The following WDPCP variants were observed in gnomAD, a reference collection of about 807,000 sequenced individuals.
The protein encoded by WDPCP is WD repeat containing planar cell polarity effector, also known as WD repeat-containing and planar cell polarity effector protein fritz homolog.
In WDPCP, 71 loss-of-function variants were observed where a neutral mutation model predicts 93.1. The ratio of observed to expected loss-of-function variants is 0.76; its 90% CI spans 0.63 to 0.93. The LOEUF (loss-of-function observed/expected upper bound fraction) is 0.93, where lower values mean the gene tolerates loss of function less well. Among genes scored for constraint, WDPCP ranks in the 40% least tolerant of loss-of-function variants. WDPCP has a pLI of 0.00. For missense variants in WDPCP, 844 were observed against 887.4 expected (o/e 0.95, Z 0.62); for synonymous variants, 315 against 315.0 (o/e 1.00, Z 0.00).
intron 1 of WDPCP, among the ~76,000 whole-genome samples, chr2:63,498,259 A>G (rs1701344860): frequency 6.6e-6 from 1 of 152,192 alleles, no homozygotes; most frequent in African/African-American, 2.4e-5. Context: ...CAGTCTCAGA[A>G]GGCCATTTTG....
At chr2:63,307,279 G>A (rs1318668236) in intron 13 of WDPCP, among the ~76,000 whole-genome samples, 1 of 152,122 alleles carries the variant, frequency 6.6e-6, no homozygotes, top group Non-Finnish European at 1.5e-5. Flanking sequence ...TCATGGATAG[G>A]AAGAATCAAT....
chr2:63,334,058 T>C (rs1243692371), intron 12 of WDPCP, among the ~76,000 whole-genome samples: 2 of 152,178 alleles, frequency 1.3e-5, no homozygotes, highest in Non-Finnish European at 2.9e-5. Flanking sequence ...AAAAAACACA[T>C]CCATTGGAAT....
At chr2:63,657,470 T>A (rs1388577020) in intron 2 of WDPCP, among the ~76,000 whole-genome samples, 1 of 152,156 alleles carries the variant, frequency 6.6e-6, no homozygotes, top group African/African-American at 2.4e-5. Context: ...CCTCCCAAAG[T>A]GCTGAGATTA....
rs186120490 is a variant in WDPCP at position 63,333,614 on chromosome 2, T to C, written c.1749-20303A>G. Among the ~76,000 whole-genome samples, 895 of 152,358 alleles carry C rather than the reference T, an allele frequency of 5.9e-3. 1 individual carries two copies. Among genetic ancestry groups the C allele is most frequent in the Admixed American group, 0.01 (155 of 15,294 alleles). On this transcript the variant is annotated intron_variant, in intron 12 of 17. Coordinates refer to ENST00000272321, the MANE Select transcript of WDPCP (RefSeq NM_015910.7). ...CATGTCTTCAGATACACTCAACCAA[T>C]TGTCAACTAGAAAATGTTTAAATTT... is the stretch of plus-strand genomic sequence containing the variant.
intron 17 of WDPCP, among the ~76,000 whole-genome samples, chr2:63,124,569 C>T (rs1451257779): frequency 6.6e-6 from 1 of 152,122 alleles, no homozygotes; most frequent in Non-Finnish European, 1.5e-5. Context: ...GGATTTTGAC[C>T]TGTGGCTCAC....
chr2:63,786,655 G>A (rs1269220839), intron 2 of WDPCP, among the ~76,000 whole-genome samples: 3 of 152,062 alleles, frequency 2.0e-5, no homozygotes, highest in Non-Finnish European at 4.4e-5. Flanking sequence ...CCACTTACAC[G>A]GCCACATCTG....
chr2:63,481,006 C>T (rs1404058899), intron 6 of WDPCP, among the ~76,000 whole-genome samples: 1 of 151,956 alleles, frequency 6.6e-6, no homozygotes, highest in Non-Finnish European at 1.5e-5. Context: ...GGACTAATAT[C>T]CAGAATCTAC....
chr2:63,226,492 C>T (rs560524733), intron 14 of WDPCP, among the ~76,000 whole-genome samples: 139 of 151,950 alleles, frequency 9.1e-4, no homozygotes, highest in Non-Finnish European at 1.7e-3. Flanking sequence ...GTGTCACACC[C>T]TGTCACATTA....
At chr2:63,321,120 G>A (rs1009678891) in intron 12 of WDPCP, among the ~76,000 whole-genome samples, 4 of 151,940 alleles carry the variant, frequency 2.6e-5, no homozygotes, top group Non-Finnish European at 5.9e-5. Flanking sequence ...ATGACTGTGA[G>A]TGTCTTAAAT....
chr2:63,203,492 C>G (rs917148335), intron 14 of WDPCP, among the ~76,000 whole-genome samples: 1 of 152,134 alleles, frequency 6.6e-6, no homozygotes, highest in Non-Finnish European at 1.5e-5. Context: ...AACCATCCTT[C>G]TACTCTCTAT....
At chr2:63,412,228 C>T (rs761487270) in intron 9 of WDPCP, among the ~76,000 whole-genome samples, 1 of 152,072 alleles carries the variant, frequency 6.6e-6, no homozygotes, top group Non-Finnish European at 1.5e-5. Flanking sequence ...GTTTAACATA[C>T]GCAAGTCAAT....
At chr2:63,622,260 G>C (rs61742563) in intron 3 of WDPCP, 327 of 1,610,410 alleles carry the variant, frequency 2.0e-4, no homozygotes, top group Non-Finnish European at 2.7e-4. Context: ...TGCCAGTGCC[G>C]TCTCCTCTGC....
intron 2 of WDPCP, among the ~76,000 whole-genome samples, chr2:63,785,803 A>G (rs1467848608): frequency 6.6e-6 from 1 of 152,156 alleles, no homozygotes; most frequent in Non-Finnish European, 1.5e-5. Context: ...TCTAGTTTTT[A>G]TATGATTGTG....
chr2:63,790,144 C>T (rs1670525642), intron 2 of WDPCP, among the ~76,000 whole-genome samples: 1 of 152,112 alleles, frequency 6.6e-6, no homozygotes, highest in South Asian at 2.1e-4. Context: ...TCTGAAGCAC[C>T]AGCACCTAGA....
At position 63,605,537 on chromosome 2, in the gene WDPCP, T is replaced by C. The variant is rs142245488; in HGVS notation, n.488+45122A>G. 120 of 649,226 alleles carry C rather than the reference T, an allele frequency of 1.8e-4. 1 individual carries two copies. The highest frequency in any genetic ancestry group is 3.1e-4 in the Non-Finnish European group (114 of 369,144). 40.2% of individuals were successfully genotyped at this position (649,226 alleles called of 1,614,324 possible). A position where few individuals can be genotyped will look rare whatever the true frequency, so the allele number is the denominator to read the frequency against. Reference sequence around the variant, plus strand: ...GCCTATTAACAAGTAAACTTCGGGGTTTGTTAGCCTTGACCTTTCTGAGCT... The same window carrying C: ...GCCTATTAACAAGTAAACTTCGGGGCTTGTTAGCCTTGACCTTTCTGAGCT... On this transcript the variant is annotated intron_variant and non_coding_transcript_variant, in intron 3 of 4. Transcript: ENST00000467687.
At chr2:63,695,223 T>C (rs1668947944) in intron 2 of WDPCP, among the ~76,000 whole-genome samples, 1 of 152,230 alleles carries the variant, frequency 6.6e-6, no homozygotes, top group South Asian at 2.1e-4. Context: ...ACATTTATTT[T>C]CTCATTTCTT....
At chr2:63,331,795 G>A (rs1245389245) in intron 12 of WDPCP, among the ~76,000 whole-genome samples, 1 of 151,966 alleles carries the variant, frequency 6.6e-6, no homozygotes, top group African/African-American at 2.4e-5. Context: ...AGTCTAAAAT[G>A]TATCAGGCTT....
chr2:63,642,116 C>G (rs942330155), intron 3 of WDPCP, among the ~76,000 whole-genome samples: 1 of 152,080 alleles, frequency 6.6e-6, no homozygotes, highest in African/African-American at 2.4e-5. Flanking sequence ...TTTCTGGACT[C>G]TCTATTCTGT....
intron 14 of WDPCP, among the ~76,000 whole-genome samples, chr2:63,184,535 A>C (rs1249521460): frequency 6.6e-6 from 1 of 152,156 alleles, no homozygotes. Context: ...CATTGAAAAT[A>C]GAATCCCAAT....
Sources: allele counts gnomAD v4.1 joint callset (sites outside exome capture counted in the v4.1 genomes callset), GRCh38; gene constraint gnomAD v4.1.1; transcripts MANE v1.5; gene names NCBI Gene and HGNC (gene_info 2026-07-23, HGNC 2026-07-21).